The following RNF145 variants were observed in gnomAD, a reference collection of about 807,000 sequenced individuals.
The protein encoded by RNF145 is ring finger protein 145.
Under a neutral mutation model 57.3 loss-of-function variants are expected in RNF145, and 12 were observed. The ratio of observed to expected loss-of-function variants is 0.21; its 90% CI spans 0.13 to 0.34. The LOEUF is 0.34. Ranked by LOEUF, RNF145 falls within the 10% of genes least tolerant of loss-of-function variation. RNF145 has a pLI of 1.00. For synonymous variants in RNF145, 262 were observed against 288.3 expected, an observed-to-expected ratio of 0.91 and a Z score of 0.92; for missense variants, 429 against 799.0, an observed-to-expected ratio of 0.54 and a Z score of 5.58.
At chr5:159,208,707 A>G (rs181184442) in intron 1 of RNF145, among the ~76,000 whole-genome samples, 25 of 151,874 alleles carry the variant, frequency 1.6e-4, no homozygotes, top group Admixed American at 1.5e-3. Context: ...GAGGGAGGGG[A>G]GCTTGGAAGC....
chr5:159,206,541 C>G (rs779753155), intron 1 of RNF145, among the ~76,000 whole-genome samples: 9 of 152,162 alleles, frequency 5.9e-5, no homozygotes, highest in Non-Finnish European at 1.0e-4. Context: ...ATTACTCACA[C>G]CTGCCAAATC....
chr5:159,204,389 G>T (rs561225316), intron 1 of RNF145, among the ~76,000 whole-genome samples: 2 of 151,962 alleles, frequency 1.3e-5, no homozygotes, highest in African/African-American at 4.8e-5. Flanking sequence ...TAAGTAGTGG[G>T]GGGGGGCAGG....
chr5:159,187,879 T>G (rs1264641611), intron 3 of RNF145, among the ~76,000 whole-genome samples: 1 of 152,178 alleles, frequency 6.6e-6, no homozygotes, highest in South Asian at 2.1e-4. Context: ...CAAGTCATCA[T>G]AAAATGGAGA....
At chr5:159,183,486 T>C (rs1268717054) in intron 3 of RNF145, among the ~76,000 whole-genome samples, 4 of 152,164 alleles carry the variant, frequency 2.6e-5, no homozygotes, top group African/African-American at 9.7e-5. Context: ...TGTTTTCATG[T>C]AGAAAGACAC....
At chr5:159,184,892 T>C (rs527515627) in intron 3 of RNF145, among the ~76,000 whole-genome samples, 5 of 152,284 alleles carry the variant, frequency 3.3e-5, no homozygotes, top group South Asian at 2.1e-4. Flanking sequence ...GCTGTGATTA[T>C]AGGACCCTAA....
intron 9 of RNF145, among the ~76,000 whole-genome samples, chr5:159,162,382 T>C (rs2113079411): frequency 6.6e-6 from 1 of 151,886 alleles, no homozygotes; most frequent in East Asian, 1.9e-4. Flanking sequence ...TTAATTACCT[T>C]CATAAAAAAT....
At chr5:159,185,049 C>A (rs1301967269) in intron 3 of RNF145, among the ~76,000 whole-genome samples, 1 of 152,172 alleles carries the variant, frequency 6.6e-6, no homozygotes, top group Admixed American at 6.5e-5. Flanking sequence ...TACTGCCCCC[C>A]ACATTCCTGT....
At chr5:159,180,039 C>G (rs1019775879) in intron 4 of RNF145, among the ~76,000 whole-genome samples, 1 of 151,992 alleles carries the variant, frequency 6.6e-6, no homozygotes, top group African/African-American at 2.4e-5. Flanking sequence ...TGGCTTCTTT[C>G]TCTTTTTTGA....
At chr5:159,195,983 G>A (rs1183115061) in intron 2 of RNF145, among the ~76,000 whole-genome samples, 8 of 152,016 alleles carry the variant, frequency 5.3e-5, no homozygotes, top group East Asian at 3.8e-4. Flanking sequence ...CTCTCTTATC[G>A]TCAAGTCCTG....
chr5:159,209,280 C>T lies in RNF145; in HGVS notation c.-89G>A. 3.0e-6 allele frequency: 3 copies of T among 985,368 alleles called. No individual in the cohort carries two copies. The highest frequency in any genetic ancestry group is 3.6e-6 in the Non-Finnish European group (3 of 829,904). 61.0% of individuals were successfully genotyped at this position (985,368 alleles called of 1,614,324 possible). A position where few individuals can be genotyped will look rare whatever the true frequency, so the allele number is the denominator to read the frequency against. Reference sequence around the variant, plus strand: ...GGGAGCGGCGCTGCCGGCGGGCGGGCTCCGCAACTCCCCGGCTCTCTCGCC... The same window carrying T: ...GGGAGCGGCGCTGCCGGCGGGCGGGTTCCGCAACTCCCCGGCTCTCTCGCC... On this transcript the variant is annotated 5_prime_UTR_variant, in exon 1 of 11. Transcript: ENST00000424310.
intron 4 of RNF145, among the ~76,000 whole-genome samples, chr5:159,178,566 C>T (rs1784786247): frequency 6.6e-6 from 1 of 151,938 alleles, no homozygotes; most frequent in Non-Finnish European, 1.5e-5. Flanking sequence ...TCAATGAAAA[C>T]CAAAATGAAA....
chr5:159,205,777 G>A (rs758378288), intron 1 of RNF145, among the ~76,000 whole-genome samples: 2 of 152,094 alleles, frequency 1.3e-5, no homozygotes, highest in Non-Finnish European at 2.9e-5. Context: ...AAGAGAGGGA[G>A]GAGCTATTAC....
chr5:159,208,221 A>T (rs1288161985), intron 1 of RNF145: 1 of 1,250,704 alleles, frequency 8.0e-7, no homozygotes, highest in Non-Finnish European at 1.0e-6. Flanking sequence ...TAGCAGCAGC[A>T]ACCGGGCCGC....
chr5:159,174,422 A>G (rs887615851), intron 5 of RNF145, among the ~76,000 whole-genome samples: 1 of 152,180 alleles, frequency 6.6e-6, no homozygotes, highest in Non-Finnish European at 1.5e-5. Flanking sequence ...ATAAGGTCAA[A>G]ATAAGGTCAT....
chr5:159,208,136 G>A, intron 1 of RNF145: 1 of 1,427,444 alleles, frequency 7.0e-7, no homozygotes, highest in South Asian at 1.5e-5. Context: ...CTCCCACAAC[G>A]CCTGCAGATC....
At chr5:159,203,718 C>T in intron 1 of RNF145, 62 bp from the exon 2 acceptor site, 1 of 1,078,948 alleles carries the variant, frequency 9.3e-7, no homozygotes, top group South Asian at 1.5e-5. Flanking sequence ...TTTTAGATAC[C>T]CTTTCACGAA....
rs1395427673 is a variant in RNF145 at position 159,161,477 on chromosome 5, T to C, written c.1415A>G (p.Tyr472Cys). ...TCCAAAGATGGTCTCTGAGACGCCATAGGCCACCACACAGAGGGCCACAAG... is the reference window on the plus strand; with the variant it reads ...TCCAAAGATGGTCTCTGAGACGCCACAGGCCACCACACAGAGGGCCACAAG... Reference protein sequence around the residue: ...EFLVALCVVAYGVSETIFGEW... With the variant: ...EFLVALCVVACGVSETIFGEW... The change falls in exon 10 of 11, where the codon TAT (tyrosine) becomes TGT (cysteine). Residue 472 changes from tyrosine to cysteine, a missense_variant. By Grantham distance (194) the Tyr-to-Cys change is radical. Around this residue, in one of 4 missense-constraint regions of RNF145, gnomAD observed 216 missense variants for 457.6 expected, o/e 0.47. Coordinates refer to ENST00000424310, the MANE Select transcript of RNF145 (RefSeq NM_001199383.2). 1.4e-5 allele frequency: 22 copies of C among 1,614,008 alleles called. No individual in the cohort carries two copies. The highest frequency in any genetic ancestry group is 2.7e-5 in the African/African-American group (2 of 74,910).
At chr5:159,209,794 C>T, upstream of RNF145, 1 of 1,477,194 alleles carries the variant, frequency 6.8e-7, no homozygotes, top group Non-Finnish European at 9.1e-7. Flanking sequence ...GCCATTCTGA[C>T]ACACGTGCTC....
chr5:159,205,017 C>T (rs1329665462), intron 1 of RNF145, among the ~76,000 whole-genome samples: 2 of 152,076 alleles, frequency 1.3e-5, no homozygotes, highest in Non-Finnish European at 1.5e-5. Context: ...GATTGCTATG[C>T]TATGGTTAAA....
Sources: gnomAD v4.1 joint callset for allele counts (sites outside exome capture counted in the v4.1 genomes callset) on GRCh38, gnomAD v4.1.1 for gene constraint, gnomAD v4.1.1 regional missense constraint, MANE v1.5 for transcripts, NCBI Gene and HGNC (gene_info 2026-07-23, HGNC 2026-07-21) for gene names.